Variants in SH3KBP1 observed in about 807,000 individuals in gnomAD.
The protein encoded by SH3KBP1 is SH3 domain containing kinase binding protein 1.
A neutral mutation model predicts 50.1 loss-of-function variants in SH3KBP1; 8 were observed. The ratio of observed to expected loss-of-function variants is 0.16; its 90% confidence interval spans 0.09 to 0.29. The LOEUF is 0.29. Ranked by LOEUF, SH3KBP1 falls within the 10% of genes least tolerant of loss-of-function variation. SH3KBP1 has a pLI of 1.00. For synonymous variants in SH3KBP1, 227 were observed against 218.6 expected, an observed-to-expected ratio of 1.04 and a Z score of -0.34; for missense variants, 377 against 535.2, an observed-to-expected ratio of 0.70 and a Z score of 2.92.
intron 2 of SH3KBP1, among the ~76,000 whole-genome samples, chrX:19,787,901 G>A (rs2066398485): frequency 9.0e-6 from 1 of 111,611 alleles, no homozygotes; most frequent in South Asian, 3.7e-4. Context: ...GAAGCTGCCG[G>A]ACGCAGGCAG....
rs750934396 is a variant in SH3KBP1 at position 19,834,903 on chromosome X, C to T, written c.162+1222G>A. Among the ~76,000 whole-genome samples, 112 of 109,492 alleles carry T rather than the reference C, an allele frequency of 1.0e-3. 1 individual carries two copies. The highest frequency in any genetic ancestry group is 3.6e-3 in the African/African-American group (108 of 29,984). ...TACAAAAATTAGTCGGGCGTGGTGG[C>T]ACATGCCTGTAATCCCAGCTACTCG... On this transcript the variant is annotated intron_variant, in intron 2 of 17. Coordinates refer to ENST00000397821, the MANE Select transcript of SH3KBP1 (RefSeq NM_031892.3).
At position 19,541,993 on chromosome X, in the gene SH3KBP1, G is replaced by C. The variant is rs11552353; in HGVS notation, c.1824C>G (p.Ala608=). Residue 608 remains alanine, a synonymous_variant, in exon 16 of 18, where the codon GCC becomes GCG. Coordinates refer to ENST00000397821, the MANE Select transcript of SH3KBP1 (RefSeq NM_031892.3). The part of the protein sequence containing the change: ...KMEPAASSQA[A]VEELRTQVRE... ...GGACCTGTGTCCTTAGCTCCTCCAC[G>C]GCCGCCTGGCTGCTGGCCGCAGGCT... 1 of 1,210,102 alleles carries C rather than the reference G, an allele frequency of 8.3e-7. No homozygotes were observed. The highest frequency in any genetic ancestry group is 1.8e-5 in the South Asian group (1 of 56,767).
At chrX:19,585,509 G>A (rs1437871793) in intron 12 of SH3KBP1, among the ~76,000 whole-genome samples, 1 of 111,790 alleles carries the variant, frequency 8.9e-6, no homozygotes, top group Non-Finnish European at 1.9e-5. Context: ...GGCATTTGGA[G>A]GAGAGAGCAA....
At chrX:19,805,806 C>T (rs2067027957) in intron 2 of SH3KBP1, among the ~76,000 whole-genome samples, 1 of 111,513 alleles carries the variant, frequency 9.0e-6, no homozygotes, top group African/African-American at 3.3e-5. Flanking sequence ...TGTCTCTGGT[C>T]CCTGGGAAGT....
chrX:19,804,863 C>T (rs1358305634), intron 2 of SH3KBP1, among the ~76,000 whole-genome samples: 1 of 65,764 alleles, frequency 1.5e-5, no homozygotes, highest in East Asian at 4.1e-4. Context: ...CAAACCTACC[C>T]GCCCCCAGCC....
chrX:19,681,934 C>T (rs2063064918), intron 6 of SH3KBP1, among the ~76,000 whole-genome samples: 6 of 110,849 alleles, frequency 5.4e-5, no homozygotes, highest in Admixed American at 4.8e-4. Context: ...GGCAGAAATC[C>T]CTATTAAGGA....
intron 6 of SH3KBP1, chrX:19,670,848 A>AAAAAAAAAAAAAAAAAAC: frequency 8.8e-7 from 1 of 1,140,363 alleles, no homozygotes. Flanking sequence ...GCAAAAAAAA[A>AAAAAAAAAAAAAAAAAAC]AAAAAAGAAA....
chrX:19,588,413 A>G lies in SH3KBP1; in HGVS notation c.1298+230T>C, dbSNP rs921147880. 6.2e-6 allele frequency: 7 copies of G among 1,127,226 alleles called. No individual in the cohort carries two copies. The African/African-American group carries it at 1.3e-4, about 21-fold the overall frequency. 92.9% of individuals were successfully genotyped at this position (1,127,226 alleles called of 1,213,427 possible). ...CCTAAATGCTGGGTACCCAGTCCTC[A>G]TGAAACCCACACCGCACCCCTCAAC... On this transcript the variant is annotated intron_variant, in intron 12 of 17. Coordinates refer to ENST00000397821, the MANE Select transcript of SH3KBP1 (RefSeq NM_031892.3).
At chrX:19,878,824 T>A (rs973366728) in intron 1 of SH3KBP1, among the ~76,000 whole-genome samples, 23 of 112,295 alleles carry the variant, frequency 2.0e-4, no homozygotes, top group African/African-American at 6.2e-4. Context: ...CACTTAAAAG[T>A]GGTGAAAATT....
At chrX:19,855,646 T>C (rs748896047) in intron 1 of SH3KBP1, among the ~76,000 whole-genome samples, 15 of 111,566 alleles carry the variant, frequency 1.3e-4, no homozygotes, top group Non-Finnish European at 2.6e-4. Context: ...ACATAGCCTC[T>C]ACCTGGCTCA....
At chrX:19,747,901 C>A (rs1438614770) in intron 2 of SH3KBP1, among the ~76,000 whole-genome samples, 1 of 112,692 alleles carries the variant, frequency 8.9e-6, no homozygotes, top group Admixed American at 9.3e-5. Context: ...CCTACCTCAG[C>A]AGCCCCAGCA....
chrX:19,683,391 A>G (rs1287931764), intron 6 of SH3KBP1: 1 of 365,675 alleles, frequency 2.7e-6, no homozygotes, highest in South Asian at 2.5e-5. Flanking sequence ...GAAAAGGTGC[A>G]CAATTCCTTC....
intron 1 of SH3KBP1, among the ~76,000 whole-genome samples, chrX:19,882,892 G>A (rs1226766091): frequency 8.9e-6 from 1 of 111,884 alleles, no homozygotes; most frequent in Non-Finnish European, 1.9e-5. Flanking sequence ...GGGTTGGACT[G>A]GATTCGTGGA....
rs754662036 is a variant in SH3KBP1, at chrX:19,617,953, T to C, written c.898-9908A>G. On this transcript the variant is annotated intron_variant, in intron 8 of 17. Coordinates refer to ENST00000397821, the MANE Select transcript of SH3KBP1 (RefSeq NM_031892.3). ...CCTTAAACCAAATCTCAGTCCCTAG[T>C]AAGAGAACAGGACTTCCACAGGTGT... 5.1e-4 allele frequency among the ~76,000 whole-genome samples: 57 copies of C among 111,772 alleles called. No individual in the cohort carries two copies. The Middle Eastern group carries it at 0.014, about 27-fold the overall frequency.
intron 2 of SH3KBP1, among the ~76,000 whole-genome samples, chrX:19,753,083 C>T (rs2065113257): frequency 9.0e-6 from 1 of 111,248 alleles, no homozygotes. Context: ...CAGGCTGGTG[C>T]CACGGACACC....
chrX:19,619,633 T>A (rs772081365), intron 8 of SH3KBP1, among the ~76,000 whole-genome samples: 2 of 110,669 alleles, frequency 1.8e-5, no homozygotes, highest in South Asian at 7.8e-4. Flanking sequence ...AATACAAAAA[T>A]TAGCCGGGTG....
chrX:19,612,377 G>A (rs1033767566), intron 8 of SH3KBP1, among the ~76,000 whole-genome samples: 6 of 111,439 alleles, frequency 5.4e-5, no homozygotes, highest in African/African-American at 9.8e-5. Context: ...ATTCTCCTGC[G>A]CCAGCCTCCC....
At chrX:19,554,011 TATA>T (rs58355898) in intron 13 of SH3KBP1, among the ~76,000 whole-genome samples, 1 of 66,708 alleles carries the variant, frequency 1.5e-5, no homozygotes, top group Admixed American at 2.4e-4. Context: ...AAATATAATA[TATA>T]ATATATATTA....
intron 5 of SH3KBP1, among the ~76,000 whole-genome samples, chrX:19,690,569 C>G (rs943627084): frequency 2.7e-5 from 3 of 112,095 alleles, no homozygotes; most frequent in African/African-American, 9.7e-5. Flanking sequence ...AAAACAGGGA[C>G]ACTTTTAGTT....
Sources: allele counts gnomAD v4.1 joint callset (sites outside exome capture counted in the v4.1 genomes callset), GRCh38; gene constraint gnomAD v4.1.1; transcripts MANE v1.5; gene names NCBI Gene and HGNC (gene_info 2026-07-23, HGNC 2026-07-21).